Variants in PCDHA3 observed in about 807,000 individuals in gnomAD.
The protein encoded by PCDHA3 is protocadherin alpha 3.
PCDHA3 carries 41 observed loss-of-function variants against 62.2 expected under a neutral mutation model. That is an observed-to-expected ratio of 0.66 (90% confidence interval 0.51 to 0.86). PCDHA3 has a LOEUF of 0.86. Ranked by LOEUF, PCDHA3 falls within the 40% of genes least tolerant of loss-of-function variation. PCDHA3 has a pLI of 0.00. For missense variants in PCDHA3, 1,304 were observed against 1,241.2 expected (o/e 1.05, Z -0.76); for synonymous variants, 640 against 555.4 (o/e 1.15, Z -2.14).
chr5:140,894,098 T>C (rs1025974161), intron 1 of PCDHA3, among the ~76,000 whole-genome samples: 2 of 152,178 alleles, frequency 1.3e-5, no homozygotes, highest in Non-Finnish European at 2.9e-5. Flanking sequence ...TTCTAGCTCC[T>C]GGTGTTGCAG....
rs370156477 is a variant in PCDHA3 at position 140,876,942 on chromosome 5, G to A, written c.2394+73351G>A. The A allele has an allele frequency of 2.2e-5, 35 of 1,613,660 alleles. 1 individual carries two copies. In the African/African-American group the frequency reaches 4.4e-4, roughly 20 times the overall value. On this transcript the variant is annotated intron_variant, in intron 1 of 3. Transcript: ENST00000522353. ...CGGACGCGCAGAAGAACGCGCTGGT[G>A]TCCTACTCGCTGGTGGAGCGGCGGG...
At position 141,010,025 on chromosome 5, in the gene PCDHA3, A is replaced by T; in HGVS notation, c.*88A>T. On this transcript the variant is annotated 3_prime_UTR_variant, in exon 4 of 4. Coordinates refer to ENST00000522353, the MANE Select transcript of PCDHA3 (RefSeq NM_018906.3). ...TAGCAATTCCCTGCTCCTTTTTCCT[A>T]TCTACATGAGCCCTCTTAGAGACCT... The T allele has an allele frequency of 6.4e-7, 1 of 1,573,940 alleles. No homozygotes were observed. The highest frequency in any genetic ancestry group is 1.2e-5 in the South Asian group (1 of 82,592).
intron 1 of PCDHA3, chr5:140,858,447 A>G (rs1554151639): frequency 6.5e-7 from 1 of 1,533,388 alleles, no homozygotes; most frequent in Admixed American, 2.0e-5. Flanking sequence ...GTGGGTTATT[A>G]CGTTTTCATT....
intron 1 of PCDHA3, among the ~76,000 whole-genome samples, chr5:140,839,682 A>T (rs916562974): frequency 3.3e-5 from 5 of 152,030 alleles, no homozygotes; most frequent in African/African-American, 4.8e-5. Context: ...AACTACAGAG[A>T]TTTTTTTGGG....
intron 1 of PCDHA3, chr5:140,857,428 G>C (rs782142394): frequency 1.9e-6 from 3 of 1,598,342 alleles, no homozygotes; most frequent in East Asian, 2.2e-5. Context: ...CCGAGTACAC[G>C]GTGTTCGTGA....
chr5:140,929,470 T>G (rs1554207109), intron 1 of PCDHA3: 3 of 1,296,742 alleles, frequency 2.3e-6, no homozygotes, highest in Admixed American at 2.9e-5. Context: ...CCAAGAAATC[T>G]GGAAGTATAG....
rs78257345 is a variant in PCDHA3 at position 140,892,116 on chromosome 5, T to C, written c.2395-86833T>C. Among the ~76,000 whole-genome samples the C allele has an allele frequency of 8.0e-3, 1,216 of 152,346 alleles. 6 individuals are homozygous for C. The highest frequency in any genetic ancestry group is 0.019 in the African/African-American group (786 of 41,576). On this transcript the variant is annotated intron_variant, in intron 1 of 3. Transcript: ENST00000522353. ...AACTTTCAAGCTTGGCATTTATATCTGGAACACAATAAGCTCATGGTTTTA... is the reference window on the plus strand; with the variant it reads ...AACTTTCAAGCTTGGCATTTATATCCGGAACACAATAAGCTCATGGTTTTA...
intron 1 of PCDHA3, among the ~76,000 whole-genome samples, chr5:140,953,372 A>G (rs1472097697): frequency 6.6e-6 from 1 of 151,982 alleles, no homozygotes; most frequent in Non-Finnish European, 1.5e-5. Flanking sequence ...AGGATTCTCT[A>G]CCCCTCTCAG....
intron 1 of PCDHA3, among the ~76,000 whole-genome samples, chr5:140,959,741 C>T (rs1415934970): frequency 6.6e-6 from 1 of 152,068 alleles, no homozygotes; most frequent in Admixed American, 6.6e-5. Flanking sequence ...CATCAAAATG[C>T]CTTAAAGTAT....
intron 1 of PCDHA3, among the ~76,000 whole-genome samples, chr5:140,950,849 T>G (rs1403920591): frequency 6.6e-6 from 1 of 152,120 alleles, no homozygotes; most frequent in Non-Finnish European, 1.5e-5. Flanking sequence ...ATACATTTCT[T>G]TCATATTCTT....
intron 1 of PCDHA3, chr5:140,852,892 T>C: frequency 1.1e-6 from 1 of 911,000 alleles, no homozygotes; most frequent in Non-Finnish European, 1.3e-6. Context: ...CGTATTTTTT[T>C]TTTTGAGTCA....
chr5:140,878,060 T>C (rs1251415258), intron 1 of PCDHA3: 2 of 426,090 alleles, frequency 4.7e-6, no homozygotes, highest in Non-Finnish European at 7.6e-6. Flanking sequence ...CCACACTTAA[T>C]ATTTTTCTTT....
intron 1 of PCDHA3, among the ~76,000 whole-genome samples, chr5:140,941,319 CT>C (rs70988781): frequency 0.38 from 39,984 of 104,186 alleles, 7,512 homozygotes; most frequent in East Asian, 0.57. Flanking sequence ...TCTTCTTTCT[CT>C]TTTTTTTTTT....
intron 1 of PCDHA3, chr5:140,857,901 G>A (rs782807567): frequency 1.9e-6 from 3 of 1,597,728 alleles, no homozygotes; most frequent in East Asian, 4.5e-5. Flanking sequence ...GTTGGTGCAC[G>A]CATCCCGTTT....
chr5:141,004,423 C>T (rs2098165944), intron 3 of PCDHA3, among the ~76,000 whole-genome samples: 1 of 152,202 alleles, frequency 6.6e-6, no homozygotes, highest in Non-Finnish European at 1.5e-5. Context: ...TCTCTGCCTC[C>T]TGGAGTTTAG....
At chr5:140,826,757 A>G (rs1320078867) in intron 1 of PCDHA3, among the ~76,000 whole-genome samples, 2 of 152,200 alleles carry the variant, frequency 1.3e-5, no homozygotes, top group South Asian at 2.1e-4. Flanking sequence ...AATAAGATTC[A>G]TATTGGAGAG....
At chr5:140,857,904 T>C in intron 1 of PCDHA3, 2 of 1,597,710 alleles carry the variant, frequency 1.3e-6, no homozygotes, top group South Asian at 1.1e-5. Context: ...GGTGCACGCA[T>C]CCCGTTTCGC....
At position 140,951,508 on chromosome 5, in the gene PCDHA3, G is replaced by A. The variant is rs536073969; in HGVS notation, c.2395-27441G>A. Among the ~76,000 whole-genome samples the A allele has an allele frequency of 3.9e-5, 6 of 152,080 alleles. No individual in the cohort carries two copies. The South Asian group carries it at 6.2e-4, about 16-fold the overall frequency. On this transcript the variant is annotated intron_variant, in intron 1 of 3. Coordinates refer to ENST00000522353, the MANE Select transcript of PCDHA3 (RefSeq NM_018906.3). ...TCATGGTGGAAGGCAAAAGGAAAGC[G>A]GCTCATCTTACATGGCCGGTGCAGG...
At position 140,802,316 on chromosome 5, in the gene PCDHA3, C is replaced by T. The variant is rs782601468; in HGVS notation, c.1119C>T (p.Ser373=). 1.2e-6 allele frequency: 2 copies of T among 1,614,264 alleles called. No homozygotes were observed. Among genetic ancestry groups the T allele is most frequent in the Non-Finnish European group, 1.7e-6 (2 of 1,180,044 alleles). Reference sequence around the variant, plus strand: ...TTAGCACAGTCATCGCTCTGATCAGCGTGTCCGACCGCGACTCAGGAGTCA... The same window carrying T: ...TTAGCACAGTCATCGCTCTGATCAGTGTGTCCGACCGCGACTCAGGAGTCA... ...SPLSTVIALI[S]VSDRDSGVNG... Residue 373 remains serine, a synonymous_variant, in exon 1 of 4, where the codon AGC becomes AGT. Transcript: ENST00000522353.
Sources: allele counts gnomAD v4.1 joint callset (sites outside exome capture counted in the v4.1 genomes callset), GRCh38; gene constraint gnomAD v4.1.1; transcripts MANE v1.5; gene names NCBI Gene and HGNC (gene_info 2026-07-23, HGNC 2026-07-21).